The following SPG7 variants were observed in gnomAD, a reference collection of about 807,000 sequenced individuals.
The protein encoded by SPG7 is mitochondrial inner membrane m-AAA protease component paraplegin.
A neutral mutation model predicts 81.9 loss-of-function variants in SPG7; 103 were observed. The ratio of observed to expected loss-of-function variants is 1.26; its 90% CI spans 1.07 to 1.48. The LOEUF is 1.48. Ranked by LOEUF, SPG7 falls within the 40% of genes most tolerant of loss-of-function variation. The probability of loss-of-function intolerance (pLI) is 0.00; values close to 1 mark genes in which losing one functional copy is unlikely to be tolerated. For synonymous variants in SPG7, 534 were observed against 444.2 expected, an observed-to-expected ratio of 1.20 and a Z score of -2.54; for missense variants, 1,241 against 1,087.3, an observed-to-expected ratio of 1.14 and a Z score of -1.99.
chr16:89,524,196 C>T lies in SPG7; in HGVS notation c.567C>T (p.Ser189=), dbSNP rs1347108303. The T allele has an allele frequency of 4.3e-6, 7 of 1,613,642 alleles. No individual in the cohort carries two copies. In the African/African-American group the frequency reaches 5.3e-5, roughly 12 times the overall value. Residue 189 remains serine (S), a synonymous_variant, in exon 4 of 17, where the codon AGC becomes AGT. Coordinates refer to ENST00000645818, the MANE Select transcript of SPG7 (RefSeq NM_003119.4). Reference sequence around the variant, plus strand: ...AGCGCGTCCAGGTGGTGCCTGAGAGCGACGTGGTGGAAGTCTACCTGCACC... The same window carrying T: ...AGCGCGTCCAGGTGGTGCCTGAGAGTGACGTGGTGGAAGTCTACCTGCACC... ...EVQRVQVVPE[S]DVVEVYLHPG... is the part of the protein sequence containing the mutation.
intron 10 of SPG7, chr16:89,546,431 A>G (rs1439984171): frequency 2.0e-6 from 1 of 509,356 alleles, no homozygotes; most frequent in Non-Finnish European, 3.7e-6. Context: ...TAACCCCAGC[A>G]CTTTGGGAGG....
chr16:89,521,451 T>C (rs2058186758), intron 3 of SPG7: 1 of 152,226 alleles, frequency 6.6e-6, no homozygotes, highest in Admixed American at 6.5e-5. Flanking sequence ...CATTTTACTT[T>C]TATTAGAAAT....
At chr16:89,524,904 C>G (rs1369098863) in intron 4 of SPG7, among the ~76,000 whole-genome samples, 1 of 151,924 alleles carries the variant, frequency 6.6e-6, no homozygotes, top group Non-Finnish European at 1.5e-5. Flanking sequence ...GAGCTTCTGC[C>G]CCTTTGCTGG....
At chr16:89,542,976 CT>C (rs1446043971) in intron 9 of SPG7, 3 of 109,406 alleles carry the variant, frequency 2.7e-5, no homozygotes, top group South Asian at 6.1e-4. Flanking sequence ...GAGACGGAGT[CT>C]TGCTCTGTCG....
chr16:89,529,367 G>T, intron 5 of SPG7, 110 bp from the exon 6 acceptor site: 1 of 745,562 alleles, frequency 1.3e-6, no homozygotes, highest in Non-Finnish European at 2.4e-6. Flanking sequence ...CAGACGTAGG[G>T]ATTCCTCGTC....
chr16:89,530,551 T>A lies in SPG7; in HGVS notation c.862-132T>A, dbSNP rs1597630766. 3.1e-6 allele frequency: 3 copies of A among 973,496 alleles called. No individual in the cohort carries two copies. The East Asian group carries it at 7.2e-5, about 23-fold the overall frequency. The allele number at this position is 973,496 out of a possible 1,614,324, so 60.3% of individuals were successfully genotyped here. On this transcript the variant is annotated intron_variant, in intron 6 of 16. Transcript: ENST00000645818. ...GACTGTGAGCCTCGTCAGCCTGACA[T>A]GAGTGAAGCCTTGGGATCCTAGGAT... is the stretch of plus-strand genomic sequence containing the variant.
intron 10 of SPG7, chr16:89,546,446 G>T (rs2058564177): frequency 1.8e-6 from 1 of 546,264 alleles, no homozygotes. Flanking sequence ...GGGAGGCCGA[G>T]GCAGGTGGAT....
rs1567918794 is a variant in SPG7, at chr16:89,536,481, T to TGAGGCGGGC, written c.1324+3849_1324+3850insCGGGCGAGG. Among the ~76,000 whole-genome samples, 26 of 42,792 alleles carry TGAGGCGGGC rather than the reference T, an allele frequency of 6.1e-4. 1 individual carries two copies. Among genetic ancestry groups the TGAGGCGGGC allele is most frequent in the Non-Finnish European group, 1.2e-3 (23 of 19,444 alleles). 28.1% of individuals were successfully genotyped at this position (42,792 alleles called of 152,430 possible). A position where few individuals can be genotyped will look rare whatever the true frequency, so the allele number is the denominator to read the frequency against. On this transcript the variant is annotated intron_variant, in intron 9 of 16. Transcript: ENST00000645818. ...AGGCGGGTGAGGCGGGTGAGGCGGG[T>TGAGGCGGGC]GAGGTCAGGTGAGGCAGGTGAGGTG...
At position 89,524,141 on chromosome 16, in the gene SPG7, T is replaced by C; in HGVS notation, c.512T>C (p.Val171Ala). 2 of 1,614,122 alleles carry C rather than the reference T, an allele frequency of 1.2e-6. No homozygotes were observed. The highest frequency in any genetic ancestry group is 1.7e-6 in the Non-Finnish European group (2 of 1,180,044). The change falls in exon 4 of 17, where the codon GTC (valine) becomes GCC (alanine). Residue 171 changes from valine (V) to alanine (A), a missense_variant. Physicochemically the swap from Val to Ala is moderately conservative, Grantham distance 64. Transcript: ENST00000645818. ...GGCAGCATTTCCTGGAACGACTTTG[T>C]CCACGAGATGCTGGCCAAGGGCGAG... ...SGGSISWNDFVHEMLAKGEVQ... is the reference protein window; with the variant it reads ...SGGSISWNDFAHEMLAKGEVQ...
chr16:89,531,652 G>A (rs2058343882), intron 7 of SPG7: 1 of 512,032 alleles, frequency 2.0e-6, no homozygotes, highest in Non-Finnish European at 3.5e-6. Flanking sequence ...GGAATTCCAG[G>A]TGTGAGCCAC....
chr16:89,532,353 G>A (rs1455175477), intron 8 of SPG7, 110 bp from the exon 9 acceptor site: 5 of 1,348,102 alleles, frequency 3.7e-6, no homozygotes, highest in African/African-American at 1.4e-5. Flanking sequence ...AGGGAATGGA[G>A]CTGGTAGCTT....
At chr16:89,550,165 C>T (rs555940216) in intron 12 of SPG7, 33 of 359,392 alleles carry the variant, frequency 9.2e-5, no homozygotes, top group Admixed American at 5.6e-4. Context: ...GCTCACCCCC[C>T]CGTCATTCTT....
chr16:89,523,691 T>A (rs1371834988), intron 3 of SPG7: 1 of 488,734 alleles, frequency 2.0e-6, no homozygotes, highest in Non-Finnish European at 4.0e-6. Flanking sequence ...GCCTCCCAAG[T>A]AGCTGGGACC....
At chr16:89,523,968 T>C in intron 3 of SPG7, 38 bp from the exon 4 acceptor site, 5 of 1,607,910 alleles carry the variant, frequency 3.1e-6, no homozygotes, top group Admixed American at 1.7e-5. Flanking sequence ...CTGTTGCTCA[T>C]GTGTTTGTTT....
In SPG7 at chr16:89,524,164, G is replaced by A. The variant is rs759489240; in HGVS notation, c.535G>A (p.Glu179Lys). Reference protein sequence around the residue: ...DFVHEMLAKGEVQRVQVVPES... With the variant: ...DFVHEMLAKGKVQRVQVVPES... ...TGTCCACGAGATGCTGGCCAAGGGC[G>A]AGGTGCAGCGCGTCCAGGTGGTGCC... Residue 179 changes from glutamate to lysine, a missense_variant, in exon 4 of 17, where the codon GAG (glutamate) becomes AAG (lysine). By Grantham distance (56) the Glu-to-Lys change is moderately conservative. Coordinates refer to ENST00000645818, the MANE Select transcript of SPG7 (RefSeq NM_003119.4). 1.5e-5 allele frequency: 24 copies of A among 1,613,988 alleles called. No homozygotes were observed. The highest frequency in any genetic ancestry group is 2.2e-5 in the South Asian group (2 of 91,076).
intron 16 of SPG7, 134 bp downstream of exon 16, chr16:89,554,697 C>T: frequency 2.9e-6 from 2 of 687,812 alleles, no homozygotes; most frequent in Non-Finnish European, 5.2e-6. Flanking sequence ...GTGAATTCTA[C>T]CCAGCTCAAC....
intron 13 of SPG7, 70 bp from the exon 14 acceptor site, chr16:89,552,909 G>C: frequency 6.7e-7 from 1 of 1,493,306 alleles, no homozygotes; most frequent in Non-Finnish European, 9.3e-7. Context: ...AGACCTCTTA[G>C]TCCCACACCT....
At chr16:89,533,945 G>A (rs559085797) in intron 9 of SPG7, among the ~76,000 whole-genome samples, 2 of 152,186 alleles carry the variant, frequency 1.3e-5, no homozygotes, top group East Asian at 1.9e-4. Flanking sequence ...TGTGCTGTGC[G>A]ATGGTCTCGC....
intron 1 of SPG7, among the ~76,000 whole-genome samples, chr16:89,509,239 C>A (rs556514880): frequency 6.6e-6 from 1 of 152,072 alleles, no homozygotes; most frequent in South Asian, 2.1e-4. Flanking sequence ...GCTTAGCCCA[C>A]ACCTTTTAGG....
Sources: gnomAD v4.1 joint callset for allele counts (sites outside exome capture counted in the v4.1 genomes callset) on GRCh38, gnomAD v4.1.1 for gene constraint, MANE v1.5 for transcripts, NCBI Gene and HGNC (gene_info 2026-07-23, HGNC 2026-07-21) for gene names.